Variants in PLEKHA5 observed in about 807,000 individuals in gnomAD.
The protein encoded by PLEKHA5 is pleckstrin homology domain containing A5.
PLEKHA5 carries 55 observed loss-of-function variants against 181.9 expected under a neutral mutation model. That is an observed-to-expected ratio of 0.30 (90% CI 0.24 to 0.38). The LOEUF is 0.38. Among genes scored for constraint, PLEKHA5 ranks in the 10% least tolerant of loss-of-function variants. PLEKHA5 has a pLI of 1.00. For missense variants in PLEKHA5, 1,432 were observed against 1,549.5 expected (o/e 0.92, Z 1.27); for synonymous variants, 535 against 529.4 (o/e 1.01, Z -0.15).
chr12:19,194,317 A>G (rs1223915967), intron 3 of PLEKHA5, among the ~76,000 whole-genome samples: 1 of 152,214 alleles, frequency 6.6e-6, no homozygotes, highest in Non-Finnish European at 1.5e-5. Flanking sequence ...CACTGTGTAT[A>G]TGCACATTTA....
intron 3 of PLEKHA5, among the ~76,000 whole-genome samples, chr12:19,231,625 G>T (rs145780016): frequency 2.2e-3 from 88 of 40,608 alleles, no homozygotes; most frequent in Non-Finnish European, 4.4e-3. Context: ...TACTCATAAA[G>T]CTTGAGTTAT....
At chr12:19,160,953 A>G (rs1380536197) in intron 3 of PLEKHA5, among the ~76,000 whole-genome samples, 3 of 152,176 alleles carry the variant, frequency 2.0e-5, no homozygotes, top group African/African-American at 7.2e-5. Flanking sequence ...AAAAGCGTAC[A>G]TGTATGAAAC....
At chr12:19,167,627 C>T (rs955316114) in intron 3 of PLEKHA5, among the ~76,000 whole-genome samples, 11 of 152,074 alleles carry the variant, frequency 7.2e-5, no homozygotes, top group African/African-American at 2.2e-4. Context: ...TTGGCCTCTA[C>T]TGTGCACTAG....
rs762240946 is a variant in PLEKHA5 at position 19,283,665 on chromosome 12, A to G, written c.1699A>G (p.Thr567Ala). The G allele has an allele frequency of 1.9e-6, 3 of 1,614,118 alleles. No homozygotes were observed. In the Admixed American group the frequency reaches 5.0e-5, roughly 27 times the overall value. ...TTATCAGGGATACTCCCCTCAACGAACTTACAGATCGGAAGTGTCTTCACC... is the reference window on the plus strand; with the variant it reads ...TTATCAGGGATACTCCCCTCAACGAGCTTACAGATCGGAAGTGTCTTCACC... ...AAYQGYSPQR[T>A]YRSEVSSPIQ... Residue 567 changes from threonine (T) to alanine (A), a missense_variant, in exon 12 of 32, where the codon ACT becomes GCT. Thr to Ala is a moderately conservative substitution (Grantham distance 58, BLOSUM62 0). Around this residue, in one of 2 missense-constraint regions of PLEKHA5, gnomAD observed 1,143 missense variants for 1,168.4 expected, o/e 0.98. Coordinates refer to ENST00000429027, the MANE Select transcript of PLEKHA5 (RefSeq NM_001256470.2).
At chr12:19,175,365 G>A (rs1359811600) in intron 3 of PLEKHA5, among the ~76,000 whole-genome samples, 2 of 151,996 alleles carry the variant, frequency 1.3e-5, no homozygotes, top group Non-Finnish European at 2.9e-5. Context: ...ATACAAAATA[G>A]CAAAAATAGA....
chr12:19,369,391 A>T (rs1361143718), intron 30 of PLEKHA5, among the ~76,000 whole-genome samples: 4 of 152,056 alleles, frequency 2.6e-5, no homozygotes, highest in African/African-American at 9.7e-5. Context: ...GAATAATTAG[A>T]TTGCAAATTA....
chr12:19,213,965 A>G (rs2057455551), intron 3 of PLEKHA5, among the ~76,000 whole-genome samples: 1 of 152,218 alleles, frequency 6.6e-6, no homozygotes, highest in Admixed American at 6.5e-5. Context: ...ACAAAATAAT[A>G]ATAATTATGA....
At chr12:19,348,359 T>A (rs754955089) in intron 24 of PLEKHA5, 40 bp from the exon 25 acceptor site, 1 of 1,501,980 alleles carries the variant, frequency 6.7e-7, no homozygotes, top group East Asian at 2.4e-5. Context: ...AAAGAAACTT[T>A]TAGCAGTTTT....
intron 17 of PLEKHA5, 175 bp from the exon 18 acceptor site, chr12:19,320,387 G>A (rs2090335209): frequency 2.2e-6 from 1 of 450,270 alleles, no homozygotes; most frequent in South Asian, 4.2e-5. Flanking sequence ...TCACTGTTAA[G>A]TATTTTCTAC....
At chr12:19,345,918 A>G in intron 23 of PLEKHA5, 30 bp downstream of exon 23, 1 of 1,024,456 alleles carries the variant, frequency 9.8e-7, no homozygotes, top group Non-Finnish European at 1.5e-6. Context: ...CTAATTATAA[A>G]TTACTTTTAA....
At chr12:19,319,855 A>G (rs2090146444) in intron 16 of PLEKHA5, 166 bp from the exon 17 acceptor site, 4 of 476,828 alleles carry the variant, frequency 8.4e-6, no homozygotes, top group Non-Finnish European at 1.5e-5. Context: ...AGTACACTGA[A>G]TAATTCCTTA....
intron 3 of PLEKHA5, among the ~76,000 whole-genome samples, chr12:19,179,399 G>A (rs962559062): frequency 1.3e-5 from 2 of 152,202 alleles, no homozygotes; most frequent in South Asian, 2.1e-4. Flanking sequence ...GCTCACACCT[G>A]TAATCCCAGC....
chr12:19,317,280 C>G (rs1345209776), intron 16 of PLEKHA5, among the ~76,000 whole-genome samples: 1 of 151,696 alleles, frequency 6.6e-6, no homozygotes, highest in South Asian at 2.1e-4. Flanking sequence ...GACAGGAGTC[C>G]GAAGCTGCAA....
intron 15 of PLEKHA5, among the ~76,000 whole-genome samples, chr12:19,300,787 CA>C (rs2081260982): frequency 6.6e-6 from 1 of 152,018 alleles, no homozygotes; most frequent in African/African-American, 2.4e-5. Context: ...TGTAAGAACA[CA>C]GTTAACCATT....
chr12:19,309,053 C>T (rs973219350), intron 15 of PLEKHA5, among the ~76,000 whole-genome samples: 1 of 151,670 alleles, frequency 6.6e-6, no homozygotes, highest in Non-Finnish European at 1.5e-5. Context: ...CAGAGCAAGA[C>T]TCCATCTCAA....
In PLEKHA5 at chr12:19,290,688, T is replaced by C; in HGVS notation, c.1875T>C (p.Leu625=). 1 of 1,534,928 alleles carries C rather than the reference T, an allele frequency of 6.5e-7. No individual in the cohort carries two copies. The highest frequency in any genetic ancestry group is 8.7e-7 in the Non-Finnish European group (1 of 1,145,960). Reference sequence around the variant, plus strand: ...TTGTACTCCTTCAGCCAGAGGAGCTTACGCTGCTGCTAATAAAGCTGAGAC... The same window carrying C: ...TTGTACTCCTTCAGCCAGAGGAGCTCACGCTGCTGCTAATAAAGCTGAGAC... ...QSLQGKTPEE[L]TLLLIKLRRQ... is the part of the protein sequence containing the mutation. The change falls in exon 14 of 32, where the codon CTT becomes CTC. Residue 625 remains leucine, a synonymous_variant. Coordinates refer to ENST00000429027, the MANE Select transcript of PLEKHA5 (RefSeq NM_001256470.2).
intron 3 of PLEKHA5, among the ~76,000 whole-genome samples, chr12:19,226,695 C>G (rs1263712332): frequency 2.6e-5 from 4 of 152,070 alleles, no homozygotes; most frequent in Non-Finnish European, 5.9e-5. Context: ...TGAAACTGGT[C>G]CATTTTTAAA....
chr12:19,224,138 A>C (rs1362813150), intron 3 of PLEKHA5, among the ~76,000 whole-genome samples: 2 of 152,204 alleles, frequency 1.3e-5, no homozygotes, highest in African/African-American at 4.8e-5. Context: ...AAAGTTAATT[A>C]CAGTGTAACA....
intron 3 of PLEKHA5, among the ~76,000 whole-genome samples, chr12:19,222,173 A>G (rs2059047050): frequency 1.3e-5 from 2 of 152,136 alleles, no homozygotes; most frequent in Non-Finnish European, 2.9e-5. Context: ...ATACTTATAT[A>G]TATTTATACA....
Sources: allele counts gnomAD v4.1 joint callset (sites outside exome capture counted in the v4.1 genomes callset), GRCh38; gene constraint gnomAD v4.1.1; regional missense constraint gnomAD v4.1.1; transcripts MANE v1.5; gene names NCBI Gene and HGNC (gene_info 2026-07-23, HGNC 2026-07-21).